TRDN: variants seen among roughly 807,000 people sequenced by gnomAD.
The protein encoded by TRDN is triadin in skeletal muscle.
Under a neutral mutation model 149.7 loss-of-function variants are expected in TRDN, and 161 were observed. The ratio of observed to expected loss-of-function variants is 1.08; its 90% CI spans 0.95 to 1.23. TRDN has a LOEUF of 1.23. Among genes scored for constraint, TRDN ranks in the 50% most tolerant of loss-of-function variants. The pLI is 0.00. For synonymous variants in TRDN, 294 were observed against 250.5 expected, an observed-to-expected ratio of 1.17 and a Z score of -1.64; for missense variants, 896 against 823.5, an observed-to-expected ratio of 1.09 and a Z score of -1.08.
At chr6:123,265,938 C>T (rs1446037870) in intron 32 of TRDN, among the ~76,000 whole-genome samples, 2 of 146,204 alleles carry the variant, frequency 1.4e-5, no homozygotes, top group African/African-American at 2.5e-5. Flanking sequence ...TGTCATCGTA[C>T]ATCTAAAGTT....
At chr6:123,219,918 C>T (rs1011644723) in intron 40 of TRDN, among the ~76,000 whole-genome samples, 8 of 151,804 alleles carry the variant, frequency 5.3e-5, no homozygotes, top group Non-Finnish European at 7.4e-5. Context: ...GACAGGCTGC[C>T]TTCCAGCTGC....
intron 9 of TRDN, among the ~76,000 whole-genome samples, chr6:123,483,356 C>T (rs1269944990): frequency 6.6e-6 from 1 of 151,910 alleles, no homozygotes; most frequent in East Asian, 1.9e-4. Flanking sequence ...CCCGCCTTGT[C>T]TTCCCAAGGC....
chr6:123,471,815 T>C (rs910675206), intron 9 of TRDN: 1 of 152,204 alleles, frequency 6.6e-6, no homozygotes, highest in African/African-American at 2.4e-5. Flanking sequence ...TAATTTTCCA[T>C]GGAATGGCCA....
At chr6:123,532,740 T>C (rs1338695745) in intron 4 of TRDN, among the ~76,000 whole-genome samples, 3 of 151,898 alleles carry the variant, frequency 2.0e-5, no homozygotes, top group Admixed American at 2.0e-4. Context: ...ATAAGATATA[T>C]GATTAAAATT....
intron 38 of TRDN, among the ~76,000 whole-genome samples, chr6:123,240,720 C>T (rs139632910): frequency 3.8e-4 from 58 of 151,828 alleles, no homozygotes; most frequent in Non-Finnish European, 7.2e-4. Context: ...TAACTACATC[C>T]GAATTAGACT....
intron 5 of TRDN, among the ~76,000 whole-genome samples, chr6:123,521,510 G>A (rs1241423199): frequency 6.6e-6 from 1 of 152,108 alleles, no homozygotes; most frequent in African/African-American, 2.4e-5. Context: ...CAAACCTCCA[G>A]AGGCCAGGAG....
intron 12 of TRDN, among the ~76,000 whole-genome samples, chr6:123,412,112 C>G (rs1221236255): frequency 6.6e-6 from 1 of 152,160 alleles, no homozygotes; most frequent in Non-Finnish European, 1.5e-5. Context: ...TAACGCAGTA[C>G]TATTTTTATC....
intron 10 of TRDN, chr6:123,464,482 G>A: frequency 3.0e-6 from 3 of 987,850 alleles, no homozygotes; most frequent in Non-Finnish European, 3.6e-6. Flanking sequence ...AACTCATGAA[G>A]AGTTAATTTA....
intron 1 of TRDN, among the ~76,000 whole-genome samples, chr6:123,615,850 A>G (rs938564785): frequency 2.6e-5 from 4 of 152,178 alleles, no homozygotes; most frequent in Admixed American, 1.3e-4. Context: ...TAAAGTGACT[A>G]TAATTAACAA....
intron 10 of TRDN, among the ~76,000 whole-genome samples, chr6:123,448,917 T>C (rs1775576556): frequency 6.6e-6 from 1 of 152,008 alleles, no homozygotes; most frequent in Non-Finnish European, 1.5e-5. Context: ...ACAACCCCAG[T>C]ACCAGCCCAG....
chr6:123,354,009 G>T (rs1247439677), intron 20 of TRDN, among the ~76,000 whole-genome samples: 1 of 151,778 alleles, frequency 6.6e-6, no homozygotes, highest in Non-Finnish European at 1.5e-5. Context: ...TTAGGACAGT[G>T]GGAAGGGGTA....
chr6:123,393,409 T>C (rs527768393), intron 13 of TRDN, among the ~76,000 whole-genome samples: 50 of 152,230 alleles, frequency 3.3e-4, no homozygotes, highest in African/African-American at 1.2e-3. Context: ...CTTGGGTCCT[T>C]CAGCAGTTCC....
At chr6:123,636,028 T>C (rs979281000) in intron 1 of TRDN, among the ~76,000 whole-genome samples, 5 of 151,934 alleles carry the variant, frequency 3.3e-5, no homozygotes, top group Non-Finnish European at 7.4e-5. Context: ...AACATAAAGA[T>C]AGAATTTACC....
intron 4 of TRDN, among the ~76,000 whole-genome samples, chr6:123,543,326 A>AAT (rs1229370354): frequency 1.3e-5 from 2 of 152,174 alleles, no homozygotes; most frequent in African/African-American, 4.8e-5. Flanking sequence ...GTGGTAAGCA[A>AAT]ATAGTACATG....
chr6:123,363,383 TC>T (rs1402887498), intron 20 of TRDN, among the ~76,000 whole-genome samples: 1 of 152,172 alleles, frequency 6.6e-6, no homozygotes, highest in African/African-American at 2.4e-5. Flanking sequence ...GAGAAAAGTA[TC>T]CTTTGATTTT....
chr6:123,573,133 A>G (rs887511882), intron 1 of TRDN, among the ~76,000 whole-genome samples: 3 of 152,056 alleles, frequency 2.0e-5, no homozygotes, highest in African/African-American at 7.2e-5. Flanking sequence ...TGGGCTTCAT[A>G]GATAAGAGAT....
chr6:123,560,225 T>C (rs1159416318), intron 2 of TRDN, among the ~76,000 whole-genome samples: 3 of 152,154 alleles, frequency 2.0e-5, no homozygotes, highest in Non-Finnish European at 4.4e-5. Context: ...ATTTTCTTTC[T>C]CACACCGGAC....
rs536586349 is a variant in TRDN at position 123,629,239 on chromosome 6, A to G, written c.22+7515T>C. Among the ~76,000 whole-genome samples, 5 of 152,270 alleles carry G rather than the reference A, an allele frequency of 3.3e-5. No homozygotes were observed. In the East Asian group the frequency reaches 9.7e-4, roughly 29 times the overall value. ...TTCAAAGGCAACAGACAATTTTCCAAGGAAAGTTTGCTAAATATGTATTTT... is the reference window on the plus strand; with the variant it reads ...TTCAAAGGCAACAGACAATTTTCCAGGGAAAGTTTGCTAAATATGTATTTT... On this transcript the variant is annotated intron_variant, in intron 1 of 40. Transcript: ENST00000334268.
intron 24 of TRDN, among the ~76,000 whole-genome samples, chr6:123,297,470 G>A (rs917634155): frequency 1.3e-5 from 2 of 151,240 alleles, no homozygotes; most frequent in South Asian, 2.1e-4. Context: ...CTACTTCGAA[G>A]TTTTTTTTTA....
Sources: gnomAD v4.1 joint callset for allele counts (sites outside exome capture counted in the v4.1 genomes callset) on GRCh38, gnomAD v4.1.1 for gene constraint, MANE v1.5 for transcripts, NCBI Gene and HGNC (gene_info 2026-07-23, HGNC 2026-07-21) for gene names.